Variants in DOCK2 observed in about 807,000 individuals in gnomAD.
The protein encoded by DOCK2 is dedicator of cytokinesis protein 2.
A neutral mutation model predicts 248.9 loss-of-function variants in DOCK2; 87 were observed. The ratio of observed to expected loss-of-function variants is 0.35; its 90% CI spans 0.29 to 0.42. The LOEUF (loss-of-function observed/expected upper bound fraction) is 0.42, where lower values mean the gene tolerates loss of function less well. Ranked by LOEUF, DOCK2 falls within the 10% of genes least tolerant of loss-of-function variation. The pLI is 1.00. For synonymous variants in DOCK2, 805 were observed against 821.6 expected (o/e 0.98, Z 0.35); for missense variants, 1,747 against 2,300.2 (o/e 0.76, Z 4.92).
At chr5:169,715,701 G>A (rs183283579) in intron 19 of DOCK2, among the ~76,000 whole-genome samples, 29 of 151,066 alleles carry the variant, frequency 1.9e-4, no homozygotes, top group South Asian at 4.2e-4. Context: ...TTTTACACAC[G>A]TAAACACCAT....
intron 27 of DOCK2, chr5:169,883,290 C>G: frequency 6.4e-7 from 1 of 1,551,610 alleles, no homozygotes; most frequent in Non-Finnish European, 8.7e-7. Context: ...CATCTGGAAC[C>G]TGAATGGCAG....
intron 29 of DOCK2, among the ~76,000 whole-genome samples, chr5:169,986,908 G>A (rs1778082873): frequency 6.6e-6 from 1 of 152,156 alleles, no homozygotes; most frequent in African/African-American, 2.4e-5. Flanking sequence ...ATCCCTAGAG[G>A]GCAGAATAAG....
chr5:169,952,289 A>G (rs1332976496), intron 27 of DOCK2, among the ~76,000 whole-genome samples: 2 of 152,160 alleles, frequency 1.3e-5, no homozygotes, highest in African/African-American at 2.4e-5. Context: ...TTTATTGAGA[A>G]CTTGTTGTGT....
chr5:169,779,095 A>C (rs897313045), intron 25 of DOCK2, among the ~76,000 whole-genome samples: 1 of 152,160 alleles, frequency 6.6e-6, no homozygotes, highest in Non-Finnish European at 1.5e-5. Flanking sequence ...GTGAACCTAA[A>C]GCTGCTCTTT....
chr5:170,077,895 C>T (rs142836915), intron 48 of DOCK2, 58 bp downstream of exon 48: 17 of 1,411,342 alleles, frequency 1.2e-5, no homozygotes, highest in Non-Finnish European at 1.6e-5. Context: ...CTCTATCCCC[C>T]CTCCTTCTCT....
chr5:169,665,541 G>A (rs1254877569), intron 2 of DOCK2, among the ~76,000 whole-genome samples: 2 of 152,046 alleles, frequency 1.3e-5, no homozygotes, highest in Non-Finnish European at 2.9e-5. Flanking sequence ...TAGTGCAATT[G>A]AAATCCCTTT....
At chr5:169,787,297 C>T (rs1766045948) in intron 25 of DOCK2, among the ~76,000 whole-genome samples, 1 of 152,158 alleles carries the variant, frequency 6.6e-6, no homozygotes. Flanking sequence ...TTTATCATTC[C>T]ACCTTGTCTT....
At chr5:170,059,229 C>T (rs976259997) in intron 44 of DOCK2, among the ~76,000 whole-genome samples, 3 of 149,652 alleles carry the variant, frequency 2.0e-5, no homozygotes, top group Non-Finnish European at 4.4e-5. Context: ...GTGTCTGTGC[C>T]CTTGCTTCAT....
At chr5:169,673,181 G>T (rs1759132606) in intron 5 of DOCK2, among the ~76,000 whole-genome samples, 1 of 152,022 alleles carries the variant, frequency 6.6e-6, no homozygotes, top group African/African-American at 2.4e-5. Flanking sequence ...ATGTGATTGG[G>T]GGTTTGGTTC....
chr5:170,033,612 G>T (rs1756220955), intron 34 of DOCK2, among the ~76,000 whole-genome samples: 1 of 152,118 alleles, frequency 6.6e-6, no homozygotes, highest in Non-Finnish European at 1.5e-5. Flanking sequence ...TGATATTCCT[G>T]ACCATGTGAC....
intron 22 of DOCK2, among the ~76,000 whole-genome samples, chr5:169,721,050 T>C (rs779988717): frequency 1.3e-5 from 2 of 152,214 alleles, no homozygotes; most frequent in African/African-American, 2.4e-5. Context: ...CTTACGTCTG[T>C]TAGTTTTTGT....
At chr5:169,961,707 G>A (rs143172876) in intron 27 of DOCK2, among the ~76,000 whole-genome samples, 4,267 of 152,206 alleles carry the variant, frequency 0.028, 136 homozygotes, top group East Asian at 0.074. Flanking sequence ...GCCGGGTGCA[G>A]TGGCTCACGC....
intron 27 of DOCK2, among the ~76,000 whole-genome samples, chr5:169,957,829 T>A (rs1287158851): frequency 6.6e-6 from 1 of 152,160 alleles, no homozygotes; most frequent in Non-Finnish European, 1.5e-5. Flanking sequence ...TCCCTGACTC[T>A]CCCCTGCTCC....
intron 22 of DOCK2, among the ~76,000 whole-genome samples, chr5:169,742,571 G>A (rs1279347705): frequency 6.6e-6 from 1 of 152,182 alleles, no homozygotes; most frequent in Non-Finnish European, 1.5e-5. Context: ...GGGTCAGGGT[G>A]TTAGGAGGCT....
intron 25 of DOCK2, among the ~76,000 whole-genome samples, chr5:169,777,711 C>A (rs1031836032): frequency 6.6e-6 from 1 of 152,198 alleles, no homozygotes; most frequent in African/African-American, 2.4e-5. Flanking sequence ...GACGGTTGAC[C>A]TCACTGGTTT....
At chr5:170,006,509 T>A (rs1581521526) in intron 30 of DOCK2, among the ~76,000 whole-genome samples, 1 of 152,048 alleles carries the variant, frequency 6.6e-6, no homozygotes, top group Non-Finnish European at 1.5e-5. Flanking sequence ...GATGGGGTTT[T>A]ACCATGTAGG....
chr5:169,819,166 C>T (rs928576342), intron 26 of DOCK2, among the ~76,000 whole-genome samples: 1 of 152,154 alleles, frequency 6.6e-6, no homozygotes, highest in Admixed American at 6.5e-5. Context: ...TACCCTTGGC[C>T]AGGCCCGTTG....
chr5:169,845,834 A>C (rs1561758254), intron 27 of DOCK2, among the ~76,000 whole-genome samples: 1 of 152,276 alleles, frequency 6.6e-6, no homozygotes, highest in Non-Finnish European at 1.5e-5. Flanking sequence ...CACTAGGAGC[A>C]GAAATGTACC....
At chr5:169,844,929 A>G (rs188363149) in intron 27 of DOCK2, among the ~76,000 whole-genome samples, 5 of 152,122 alleles carry the variant, frequency 3.3e-5, no homozygotes, top group African/African-American at 9.6e-5. Context: ...CACTGTATTC[A>G]TTTATTTATT....
Sources: allele counts gnomAD v4.1 joint callset (sites outside exome capture counted in the v4.1 genomes callset), GRCh38; gene constraint gnomAD v4.1.1; transcripts MANE v1.5; gene names NCBI Gene and HGNC (gene_info 2026-07-23, HGNC 2026-07-21).